ZBTB20: variants seen among roughly 807,000 people sequenced by gnomAD.
ZBTB20 encodes zinc finger and BTB domain-containing protein 20.
Under a neutral mutation model 56.9 loss-of-function variants are expected in ZBTB20, and 9 were observed. That is an observed-to-expected ratio of 0.16 (90% CI 0.10 to 0.28). ZBTB20 has a LOEUF of 0.28. Ranked by LOEUF, ZBTB20 falls within the 10% of genes least tolerant of loss-of-function variation. The probability of loss-of-function intolerance (pLI) is 1.00; values close to 1 mark genes in which losing one functional copy is unlikely to be tolerated. For missense variants in ZBTB20, 655 were observed against 1,003.0 expected (o/e 0.65, Z 4.69); for synonymous variants, 417 against 420.7 (o/e 0.99, Z 0.11).
At chr3:114,558,702 T>C (rs2051592213) in intron 6 of ZBTB20, among the ~76,000 whole-genome samples, 1 of 152,126 alleles carries the variant, frequency 6.6e-6, no homozygotes, top group South Asian at 2.1e-4. Flanking sequence ...AATGTGACAT[T>C]AGATTCTACT....
intron 6 of ZBTB20, chr3:114,519,529 T>C (rs1368200166): frequency 6.6e-6 from 1 of 152,180 alleles, no homozygotes; most frequent in East Asian, 1.9e-4. Context: ...AAAATACAGG[T>C]ATCTGATTCC....
intron 3 of ZBTB20, among the ~76,000 whole-genome samples, chr3:114,949,662 G>A (rs2076996209): frequency 6.9e-6 from 1 of 145,198 alleles, no homozygotes; most frequent in Non-Finnish European, 1.5e-5. Flanking sequence ...CAGCTACTTG[G>A]GAAGCTGAGG....
intron 3 of ZBTB20, among the ~76,000 whole-genome samples, chr3:114,955,710 C>A (rs2077223601): frequency 6.6e-6 from 1 of 152,142 alleles, no homozygotes; most frequent in South Asian, 2.1e-4. Context: ...AAAACAACTG[C>A]CACTCCATCA....
intron 6 of ZBTB20, among the ~76,000 whole-genome samples, chr3:114,593,384 CTTTT>C (rs201568736): frequency 7.5e-6 from 1 of 133,488 alleles, no homozygotes; most frequent in Non-Finnish European, 1.6e-5. Context: ...TTTTTCTTTT[CTTTT>C]TTTTTTTTTT....
rs573323360 is a variant in ZBTB20 at position 115,111,144 on chromosome 3, G to A, written c.-703+36075C>T. ...ATGATGTACTACTCTATTTCAAACC[G>A]ATGGCACTTTACCACTGAAAATGTA... On this transcript the variant is annotated intron_variant, in intron 1 of 11. Coordinates refer to ENST00000675478, the MANE Select transcript of ZBTB20 (RefSeq NM_001348800.3). Among the ~76,000 whole-genome samples, 465 of 151,850 alleles carry A rather than the reference G, an allele frequency of 3.1e-3. 1 individual carries two copies. Among genetic ancestry groups the A allele is most frequent in the African/African-American group, 0.011 (442 of 41,456 alleles).
At chr3:114,541,924 A>T (rs930714018) in intron 6 of ZBTB20, among the ~76,000 whole-genome samples, 2 of 152,180 alleles carry the variant, frequency 1.3e-5, no homozygotes, top group Non-Finnish European at 2.9e-5. Context: ...TATATGTAAC[A>T]CATGCTCTTT....
intron 4 of ZBTB20, among the ~76,000 whole-genome samples, chr3:114,881,614 A>G (rs17684647): frequency 0.024 from 3,630 of 151,898 alleles, 53 homozygotes; most frequent in South Asian, 0.051. Context: ...TTTTCTTGGG[A>G]TTTTCCTATG....
At chr3:114,863,877 T>C (rs1324545376) in intron 4 of ZBTB20, among the ~76,000 whole-genome samples, 1 of 152,054 alleles carries the variant, frequency 6.6e-6, no homozygotes, top group African/African-American at 2.4e-5. Flanking sequence ...AAGTTTGGTG[T>C]TTAATTGCTA....
intron 11 of ZBTB20, among the ~76,000 whole-genome samples, chr3:114,343,379 C>G (rs1318493398): frequency 6.6e-6 from 1 of 152,146 alleles, no homozygotes; most frequent in Non-Finnish European, 1.5e-5. Flanking sequence ...ATGCTGTTAT[C>G]AGGAGATTTT....
At chr3:114,731,921 C>CGGCTGTGCCTAGATTAGTTACTAATCT (rs1257686366) in intron 5 of ZBTB20, among the ~76,000 whole-genome samples, 46 of 151,512 alleles carry the variant, frequency 3.0e-4, no homozygotes, top group South Asian at 2.3e-3. Context: ...GTTACTAATC[C>CGGCTGTGCCTAGATTAGTTACTAATCT]GGCTGTGCCT....
chr3:114,586,320 T>C (rs2055172958), intron 6 of ZBTB20, among the ~76,000 whole-genome samples: 1 of 152,222 alleles, frequency 6.6e-6, no homozygotes, highest in African/African-American at 2.4e-5. Context: ...TTTATTGGAA[T>C]GACTACAAAG....
intron 3 of ZBTB20, among the ~76,000 whole-genome samples, chr3:114,955,266 TACCTGAACACTCTAGCTAAAAGTCA>T (rs2077207376): frequency 6.6e-6 from 1 of 152,234 alleles, no homozygotes; most frequent in Admixed American, 6.5e-5. Flanking sequence ...TTCTGCTGTA[TACCTGAACACTCTAGCTAAAAGTCA>T]GATATATCTA....
intron 2 of ZBTB20, among the ~76,000 whole-genome samples, chr3:114,979,506 A>G (rs187126847): frequency 6.6e-6 from 1 of 152,180 alleles, no homozygotes; most frequent in Admixed American, 6.5e-5. Context: ...ACTTCTGGTT[A>G]ATTGTTTCAA....
At chr3:114,872,387 TG>T (rs1332769502) in intron 4 of ZBTB20, among the ~76,000 whole-genome samples, 4 of 152,156 alleles carry the variant, frequency 2.6e-5, no homozygotes, top group Non-Finnish European at 4.4e-5. Context: ...GCACACATTT[TG>T]TGTTGTAACC....
At chr3:114,586,996 T>C (rs913430728) in intron 6 of ZBTB20, among the ~76,000 whole-genome samples, 5 of 137,898 alleles carry the variant, frequency 3.6e-5, no homozygotes, top group African/African-American at 1.1e-4. Flanking sequence ...TCCCTTTTTT[T>C]TTTTTTTTTT....
At chr3:115,035,411 CAT>C (rs2080872633) in intron 2 of ZBTB20, among the ~76,000 whole-genome samples, 1 of 152,012 alleles carries the variant, frequency 6.6e-6, no homozygotes, top group African/African-American at 2.4e-5. Flanking sequence ...CTTGAATAGA[CAT>C]ATTTCCAAGA....
At position 114,790,008 on chromosome 3, in the gene ZBTB20, C is replaced by T. The variant is rs140400010; in HGVS notation, c.-343+11093G>A. ...CGGTGAATACACACACACAAACACA[C>T]ACACACTCATACACACAGACATTTT... On this transcript the variant is annotated intron_variant, in intron 5 of 11. Coordinates refer to ENST00000675478, the MANE Select transcript of ZBTB20 (RefSeq NM_001348800.3). 9.5e-3 allele frequency among the ~76,000 whole-genome samples: 1,444 copies of T among 152,214 alleles called. 13 individuals are homozygous for T. Among genetic ancestry groups the T allele is most frequent in the South Asian group, 0.016 (78 of 4,822 alleles).
chr3:114,519,196 G>C (rs1049719669), intron 6 of ZBTB20: 2 of 152,120 alleles, frequency 1.3e-5, no homozygotes, highest in East Asian at 3.9e-4. Flanking sequence ...GCAATTGCTA[G>C]GGAAATCATC....
chr3:115,052,300 T>C (rs1187890352), intron 2 of ZBTB20, among the ~76,000 whole-genome samples: 1 of 151,482 alleles, frequency 6.6e-6, no homozygotes, highest in East Asian at 1.9e-4. Flanking sequence ...CTACTAAAAA[T>C]ACAAAAATTA....
Sources: gnomAD v4.1 joint callset for allele counts (sites outside exome capture counted in the v4.1 genomes callset) on GRCh38, gnomAD v4.1.1 for gene constraint, MANE v1.5 for transcripts, NCBI Gene and HGNC (gene_info 2026-07-23, HGNC 2026-07-21) for gene names.